The following DLGAP1 variants were observed in gnomAD, a reference collection of about 807,000 sequenced individuals.
DLGAP1 encodes the protein disks large-associated protein 1.
In DLGAP1, 11 loss-of-function variants were observed where a neutral mutation model predicts 90.8. The ratio of observed to expected loss-of-function variants is 0.12; its 90% CI spans 0.08 to 0.20. The LOEUF (loss-of-function observed/expected upper bound fraction) is 0.20, where lower values mean the gene tolerates loss of function less well. DLGAP1 is among the 10% of genes least tolerant of loss of function. DLGAP1 has a pLI of 1.00. For synonymous variants in DLGAP1, 558 were observed against 540.7 expected, an observed-to-expected ratio of 1.03 and a Z score of -0.44; for missense variants, 1,050 against 1,333.8, an observed-to-expected ratio of 0.79 and a Z score of 3.31.
At chr18:4,261,131 A>C (rs1176880779) in intron 1 of DLGAP1, among the ~76,000 whole-genome samples, 3 of 152,230 alleles carry the variant, frequency 2.0e-5, no homozygotes, top group Non-Finnish European at 4.4e-5. Context: ...TAAAAGGCAG[A>C]GTATGTCCAT....
intron 10 of DLGAP1, among the ~76,000 whole-genome samples, chr18:3,528,257 G>T (rs186473425): frequency 1.3e-5 from 2 of 152,256 alleles, no homozygotes; most frequent in Admixed American, 1.3e-4. Context: ...TTTCTGGTGT[G>T]CACAGAATTA....
At chr18:3,821,020 C>T (rs936313564) in intron 4 of DLGAP1, among the ~76,000 whole-genome samples, 6 of 152,186 alleles carry the variant, frequency 3.9e-5, no homozygotes, top group African/African-American at 1.2e-4. Flanking sequence ...TGCAATGGCT[C>T]ATGCCTGTAA....
chr18:3,928,226 A>G (rs1197645597), intron 3 of DLGAP1, among the ~76,000 whole-genome samples: 22 of 152,168 alleles, frequency 1.4e-4, no homozygotes, highest in Admixed American at 1.4e-3. Flanking sequence ...ACAACAACAC[A>G]CTTGTAGTTT....
chr18:3,818,989 C>A (rs1361458920), intron 4 of DLGAP1, among the ~76,000 whole-genome samples: 2 of 151,946 alleles, frequency 1.3e-5, no homozygotes, highest in Admixed American at 1.3e-4. Flanking sequence ...CATTTCCCCC[C>A]ACTTTAGGTT....
chr18:4,292,251 A>G (rs914595269), intron 1 of DLGAP1, among the ~76,000 whole-genome samples: 2 of 152,174 alleles, frequency 1.3e-5, no homozygotes, highest in African/African-American at 4.8e-5. Context: ...GTTTACAAAA[A>G]AATTCCACTT....
At chr18:4,069,645 T>C (rs993206060) in intron 2 of DLGAP1, among the ~76,000 whole-genome samples, 1 of 152,178 alleles carries the variant, frequency 6.6e-6, no homozygotes, top group African/African-American at 2.4e-5. Flanking sequence ...CTTCACCTTC[T>C]GCCATGATTG....
intron 2 of DLGAP1, among the ~76,000 whole-genome samples, chr18:4,094,512 T>G (rs1204314277): frequency 2.0e-5 from 3 of 152,028 alleles, no homozygotes; most frequent in Admixed American, 6.5e-5. Context: ...TCTGTAGAAT[T>G]GATTCTTTTC....
At chr18:4,168,619 C>G (rs1324096938) in intron 1 of DLGAP1, among the ~76,000 whole-genome samples, 2 of 152,170 alleles carry the variant, frequency 1.3e-5, no homozygotes, top group South Asian at 2.1e-4. Context: ...TTTGTCTACT[C>G]TAGGGACCTC....
chr18:3,720,226 T>C (rs1355381126), intron 7 of DLGAP1, among the ~76,000 whole-genome samples: 2 of 152,236 alleles, frequency 1.3e-5, no homozygotes, highest in African/African-American at 4.8e-5. Context: ...TTAGAAGTTA[T>C]AGAATTAGAA....
At chr18:3,776,850 GC>G (rs1226553028) in intron 5 of DLGAP1, among the ~76,000 whole-genome samples, 1 of 152,146 alleles carries the variant, frequency 6.6e-6, no homozygotes, top group Non-Finnish European at 1.5e-5. Flanking sequence ...GAGTGCAGTG[GC>G]ACAATCATGG....
intron 2 of DLGAP1, among the ~76,000 whole-genome samples, chr18:4,015,554 G>T (rs1359527448): frequency 2.0e-5 from 3 of 152,096 alleles, no homozygotes; most frequent in Non-Finnish European, 4.4e-5. Flanking sequence ...TATCCTGTTT[G>T]CTTTTAGGGA....
intron 1 of DLGAP1, among the ~76,000 whole-genome samples, chr18:4,156,819 AATG>A (rs1375977872): frequency 1.3e-5 from 2 of 151,996 alleles, no homozygotes; most frequent in African/African-American, 4.8e-5. Context: ...TTTTTTGAGC[AATG>A]ATTAATAGTC....
intron 3 of DLGAP1, among the ~76,000 whole-genome samples, chr18:3,885,112 T>G (rs1170917169): frequency 6.6e-6 from 1 of 152,248 alleles, no homozygotes; most frequent in Non-Finnish European, 1.5e-5. Context: ...GGTAGACAAT[T>G]GCTGGTGGCA....
chr18:3,600,165 A>G (rs1266935247), intron 7 of DLGAP1, among the ~76,000 whole-genome samples: 2 of 152,160 alleles, frequency 1.3e-5, no homozygotes, highest in African/African-American at 4.8e-5. Flanking sequence ...TCCTTCTGAC[A>G]TTGTCTCCTG....
chr18:4,007,532 T>A (rs1316434900), intron 2 of DLGAP1, among the ~76,000 whole-genome samples: 1 of 152,106 alleles, frequency 6.6e-6, no homozygotes, highest in Non-Finnish European at 1.5e-5. Flanking sequence ...GGCTGGCACC[T>A]GTAATCCCAG....
Position 4,351,198 on chromosome 18 carries a change from C to T in DLGAP1, c.-267+103808G>A, listed in dbSNP as rs1011944045. Among the ~76,000 whole-genome samples, 4 of 152,268 alleles carry T rather than the reference C, an allele frequency of 2.6e-5. No individual in the cohort carries two copies. In the South Asian group the frequency reaches 8.3e-4, roughly 32 times the overall value. On this transcript the variant is annotated intron_variant, in intron 1 of 12. Coordinates refer to ENST00000315677, the MANE Select transcript of DLGAP1 (RefSeq NM_004746.4). ...GGAATTACATAATCCTTTCTTCAAC[C>T]AATTGTTAGCGTGTTTGCTGTAGAT...
intron 7 of DLGAP1, among the ~76,000 whole-genome samples, chr18:3,686,750 C>A (rs541505916): frequency 3.1e-4 from 47 of 152,272 alleles, no homozygotes; most frequent in African/African-American, 1.0e-3. Context: ...TGGGATCCTG[C>A]ACATAGAACA....
intron 2 of DLGAP1, among the ~76,000 whole-genome samples, chr18:4,110,513 T>C (rs2075954415): frequency 6.6e-6 from 1 of 152,146 alleles, no homozygotes; most frequent in Admixed American, 6.5e-5. Context: ...CCATAAAAAA[T>C]ACTGTGCACA....
At chr18:4,079,076 G>A (rs1206036884) in intron 2 of DLGAP1, among the ~76,000 whole-genome samples, 3 of 152,168 alleles carry the variant, frequency 2.0e-5, no homozygotes, top group Non-Finnish European at 4.4e-5. Context: ...CACGCTGGTG[G>A]TGGGTGATCA....
Sources: gnomAD v4.1 joint callset for allele counts (sites outside exome capture counted in the v4.1 genomes callset) on GRCh38, gnomAD v4.1.1 for gene constraint, MANE v1.5 for transcripts, NCBI Gene and HGNC (gene_info 2026-07-23, HGNC 2026-07-21) for gene names.